The following USP50 variants were observed in gnomAD, a reference collection of about 807,000 sequenced individuals.
USP50 encodes the protein ubiquitin carboxyl-terminal hydrolase 50.
In USP50, 37 loss-of-function variants were observed where a neutral mutation model predicts 39.2. The ratio of observed to expected loss-of-function variants is 0.94; its 90% CI spans 0.73 to 1.24. The LOEUF is 1.24. Among genes scored for constraint, USP50 ranks in the 50% most tolerant of loss-of-function variants. The probability of loss-of-function intolerance (pLI) is 0.00; values close to 1 mark genes in which losing one functional copy is unlikely to be tolerated. For missense variants in USP50, 374 were observed against 398.2 expected, an observed-to-expected ratio of 0.94 and a Z score of 0.52; for synonymous variants, 139 against 144.5, an observed-to-expected ratio of 0.96 and a Z score of 0.27.
chr15:50,519,179 C>T (rs547440839), intron 6 of USP50, among the ~76,000 whole-genome samples: 4 of 152,020 alleles, frequency 2.6e-5, no homozygotes, highest in East Asian at 1.9e-4. Context: ...CCCAGCTACT[C>T]GGGAGGTTGA....
downstream of USP50, chr15:50,496,975 T>C: frequency 7.4e-7 from 1 of 1,343,102 alleles, no homozygotes; most frequent in Non-Finnish European, 1.0e-6. Context: ...AACTCTTTTG[T>C]GTAGATTGCT....
chr15:50,505,245 A>G (rs1340857958), intron 6 of USP50: 1 of 152,208 alleles, frequency 6.6e-6, no homozygotes, highest in Admixed American at 6.5e-5. Context: ...ATAATACTGC[A>G]GAACAACAGA....
At chr15:50,499,261 C>T (rs888372074), downstream of USP50, 2 of 498,366 alleles carry the variant, frequency 4.0e-6, no homozygotes, top group Non-Finnish European at 3.2e-6. Flanking sequence ...TAACATTTAA[C>T]AAGTATTGCA....
intron 6 of USP50, among the ~76,000 whole-genome samples, chr15:50,517,598 T>C (rs1280701671): frequency 6.6e-6 from 1 of 152,108 alleles, no homozygotes; most frequent in Non-Finnish European, 1.5e-5. Context: ...TTAAACAGTA[T>C]GCTCCTGAAT....
intron 1 of USP50, among the ~76,000 whole-genome samples, 191 bp from the exon 2 acceptor site, chr15:50,544,972 TCACA>T (rs1322884783): frequency 6.6e-6 from 1 of 152,162 alleles, no homozygotes; most frequent in Non-Finnish European, 1.5e-5. Context: ...GCATAGTGGC[TCACA>T]CCTGTAATCC....
chr15:50,526,157 C>G (rs2052897056), intron 6 of USP50, among the ~76,000 whole-genome samples: 1 of 152,192 alleles, frequency 6.6e-6, no homozygotes, highest in Non-Finnish European at 1.5e-5. Context: ...CTCCCAGGCT[C>G]AAGAGATCCC....
rs1266671831 is a variant in USP50 at position 50,538,837 on chromosome 15, A to T, written c.675T>A (p.Cys225Ter). The T allele has an allele frequency of 6.2e-7, 1 of 1,609,752 alleles. No individual in the cohort carries two copies. The change falls in exon 5 of 7, where the codon TGT becomes TGA. Residue 225 changes from cysteine to a stop codon, truncating the protein, a stop_gained. Transcript: ENST00000532404. LOFTEE classifies it high-confidence loss of function. ...AGGTCAGTGCGTCTTGTTGAAAAAA[A>T]CATTGGAGACAGTCCTGTTAAGGAA... ...YECSLRDCLQCFFQQDALTWN... is the reference protein window; with the variant it reads ...YECSLRDCLQ
intron 6 of USP50, chr15:50,514,191 C>G (rs995158540): frequency 6.6e-6 from 1 of 152,114 alleles, no homozygotes; most frequent in Non-Finnish European, 1.5e-5. Context: ...TCCATTTATA[C>G]GAAGCATAAA....
downstream of USP50, chr15:50,498,546 C>T (rs186165804): frequency 9.2e-6 from 14 of 1,528,728 alleles, no homozygotes; most frequent in East Asian, 3.2e-4. Context: ...AATGAGGATT[C>T]ATCCTGGTAT....
downstream of USP50, chr15:50,498,759 G>A (rs1159599484): frequency 1.3e-6 from 2 of 1,572,422 alleles, no homozygotes; most frequent in South Asian, 1.2e-5. Context: ...AAGACTTTTT[G>A]TTTCAAAGCA....
Position 50,540,954 on chromosome 15 carries a change from G to GTC in USP50, c.660+93_660+94dup, listed in dbSNP as rs369508673. On this transcript the variant is annotated intron_variant, in intron 4 of 6. Transcript: ENST00000532404. Reference sequence around the variant, plus strand: ...TTTTTTAAATTAAAGTTATAAAGCCGTCTCTCATACTAAACAAATGTAGGA... The same window carrying GTC: ...TTTTTTAAATTAAAGTTATAAAGCCGTCTCTCTCATACTAAACAAATGTAGGA... The GTC allele has an allele frequency of 3.2e-4, 287 of 902,268 alleles. 3 individuals carry two copies. In the African/African-American group the frequency reaches 4.5e-3, roughly 14 times the overall value. The allele number at this position is 902,268 out of a possible 1,614,324, so 55.9% of individuals were successfully genotyped here.
intron 6 of USP50, among the ~76,000 whole-genome samples, chr15:50,528,640 G>A (rs2052917265): frequency 6.6e-6 from 1 of 152,166 alleles, no homozygotes; most frequent in African/African-American, 2.4e-5. Context: ...GCAAGGAAGT[G>A]AGAGAAGAAA....
downstream of USP50, chr15:50,499,185 A>G (rs1192407093): frequency 1.4e-5 from 18 of 1,274,654 alleles, no homozygotes; most frequent in Non-Finnish European, 1.7e-5. Context: ...CTGGCCATTT[A>G]GAGGAATTCT....
chr15:50,537,834 G>C (rs571549040), intron 5 of USP50, among the ~76,000 whole-genome samples: 4 of 136,200 alleles, frequency 2.9e-5, no homozygotes, highest in Non-Finnish European at 6.3e-5. Flanking sequence ...ACTCCAGCCT[G>C]GGTGACAAAG....
chr15:50,501,125 T>C, intron 6 of USP50: 1 of 321,188 alleles, frequency 3.1e-6, no homozygotes. Context: ...TAGCACTTAA[T>C]ATACATCAAC....
In USP50 at chr15:50,541,041, A is replaced by C; in HGVS notation, c.660+8T>G. 2 of 1,609,640 alleles carry C rather than the reference A, an allele frequency of 1.2e-6. No individual in the cohort carries two copies. Among genetic ancestry groups the C allele is most frequent in the African/African-American group, 1.3e-5 (1 of 74,976 alleles). On this transcript the variant is annotated splice_region_variant and intron_variant, in intron 4 of 6. Transcript: ENST00000532404. ...GAGACAAAGTGTCCAGGAATACTGC[A>C]TTCCTACCCGAAGGGAGCATTCATA...
At chr15:50,535,294 C>T (rs774300771) in intron 5 of USP50, among the ~76,000 whole-genome samples, 1 of 152,198 alleles carries the variant, frequency 6.6e-6, no homozygotes. Flanking sequence ...AACTCAACGA[C>T]ACCATCTGTC....
intron 6 of USP50, among the ~76,000 whole-genome samples, chr15:50,518,642 T>TAA (rs36075181): frequency 1.8e-4 from 26 of 148,288 alleles, no homozygotes; most frequent in African/African-American, 3.2e-4. Context: ...CTCACCACAT[T>TAA]AAAAAAAAAA....
intron 5 of USP50, among the ~76,000 whole-genome samples, chr15:50,531,687 TAATA>T (rs942820157): frequency 6.6e-6 from 1 of 152,148 alleles, no homozygotes; most frequent in African/African-American, 2.4e-5. Flanking sequence ...AAGCATACCC[TAATA>T]AACTAATGGG....
Sources: allele counts gnomAD v4.1 joint callset (sites outside exome capture counted in the v4.1 genomes callset), GRCh38; gene constraint gnomAD v4.1.1; transcripts MANE v1.5; gene names NCBI Gene and HGNC (gene_info 2026-07-23, HGNC 2026-07-21).